ROBO1: variants seen among roughly 807,000 people sequenced by gnomAD.
The protein encoded by ROBO1 is roundabout homolog 1.
Under a neutral mutation model 195.9 loss-of-function variants are expected in ROBO1, and 149 were observed. The ratio of observed to expected loss-of-function variants is 0.76; its 90% CI spans 0.67 to 0.87. The LOEUF (loss-of-function observed/expected upper bound fraction) is 0.87. ROBO1 is among the 40% of genes least tolerant of loss of function. The pLI is 0.00. For synonymous variants in ROBO1, 816 were observed against 733.2 expected, an observed-to-expected ratio of 1.11 and a Z score of -1.82; for missense variants, 1,933 against 2,068.3, an observed-to-expected ratio of 0.93 and a Z score of 1.27.
chr3:78,754,083 AGT>A (rs1255809338), intron 4 of ROBO1, among the ~76,000 whole-genome samples: 4 of 152,206 alleles, frequency 2.6e-5, no homozygotes, highest in African/African-American at 7.2e-5. Context: ...ACAATGACTC[AGT>A]TATTTCCATA....
chr3:79,706,597 A>C (rs969867953), intron 1 of ROBO1, among the ~76,000 whole-genome samples: 1 of 152,044 alleles, frequency 6.6e-6, no homozygotes, highest in Non-Finnish European at 1.5e-5. Context: ...TCATGGCAGC[A>C]GGTGTTTTCC....
intron 4 of ROBO1, among the ~76,000 whole-genome samples, chr3:78,869,295 C>T (rs995003453): frequency 6.6e-6 from 1 of 152,102 alleles, no homozygotes; most frequent in Admixed American, 6.6e-5. Context: ...TCCATTTAAA[C>T]CAACATTTTT....
chr3:79,056,666 T>C (rs999254804), intron 3 of ROBO1, among the ~76,000 whole-genome samples: 1 of 152,062 alleles, frequency 6.6e-6, no homozygotes, highest in Admixed American at 6.6e-5. Context: ...ATCTCTGCAG[T>C]CCCAGAGCTT....
chr3:79,343,237 T>C (rs1474880650), intron 2 of ROBO1, among the ~76,000 whole-genome samples: 1 of 152,198 alleles, frequency 6.6e-6, no homozygotes. Flanking sequence ...GAAAAATAAA[T>C]GTATTCATTC....
chr3:78,984,193 G>GGAT (rs754734864), intron 3 of ROBO1, among the ~76,000 whole-genome samples: 6 of 152,134 alleles, frequency 3.9e-5, no homozygotes, highest in African/African-American at 1.2e-4. Context: ...GTGATGATGA[G>GGAT]GATGATGATG....
At chr3:78,947,526 G>A (rs778040106) in intron 3 of ROBO1, among the ~76,000 whole-genome samples, 3 of 152,180 alleles carry the variant, frequency 2.0e-5, no homozygotes, top group Non-Finnish European at 2.9e-5. Flanking sequence ...TCAAAGCAGT[G>A]TGTAGAGGGA....
chr3:79,365,763 G>A (rs1298943778), intron 2 of ROBO1, among the ~76,000 whole-genome samples: 9 of 152,146 alleles, frequency 5.9e-5, no homozygotes, highest in East Asian at 1.9e-4. Flanking sequence ...CGGGCGTGGT[G>A]GCGGGTGCCT....
intron 4 of ROBO1, among the ~76,000 whole-genome samples, chr3:78,820,728 T>C (rs1002241292): frequency 6.6e-6 from 1 of 152,220 alleles, no homozygotes; most frequent in Non-Finnish European, 1.5e-5. Flanking sequence ...CCTCACATAC[T>C]AGTCTGTAAC....
intron 2 of ROBO1, among the ~76,000 whole-genome samples, chr3:79,387,896 G>A (rs2036812874): frequency 6.6e-6 from 1 of 152,118 alleles, no homozygotes; most frequent in African/African-American, 2.4e-5. Flanking sequence ...GACCTTTCAT[G>A]TGGACGGCCT....
chr3:78,697,040 A>C (rs2081314204), intron 8 of ROBO1, among the ~76,000 whole-genome samples: 1 of 121,312 alleles, frequency 8.2e-6, no homozygotes, highest in Admixed American at 8.4e-5. Context: ...TCTCTGTCAC[A>C]CACAGACACA....
chr3:79,571,228 G>A (rs1943268940), intron 2 of ROBO1, among the ~76,000 whole-genome samples: 1 of 152,052 alleles, frequency 6.6e-6, no homozygotes, highest in Non-Finnish European at 1.5e-5. Flanking sequence ...AAGGCCAAAA[G>A]TAATTCCAAG....
chr3:79,278,865 T>C (rs2031279408), intron 2 of ROBO1, among the ~76,000 whole-genome samples: 1 of 152,174 alleles, frequency 6.6e-6, no homozygotes, highest in South Asian at 2.1e-4. Context: ...GAAAAGTTTC[T>C]GTACAGCATA....
At chr3:79,386,738 A>G (rs1408622511) in intron 2 of ROBO1, among the ~76,000 whole-genome samples, 9 of 152,172 alleles carry the variant, frequency 5.9e-5, no homozygotes, top group Admixed American at 5.9e-4. Context: ...TACTAAGATG[A>G]ATAGATGAGA....
At chr3:79,371,563 C>T (rs1234321450) in intron 2 of ROBO1, among the ~76,000 whole-genome samples, 2 of 151,722 alleles carry the variant, frequency 1.3e-5, no homozygotes, top group African/African-American at 4.8e-5. Context: ...TACGTAAAGA[C>T]ACAGAATACC....
intron 4 of ROBO1, among the ~76,000 whole-genome samples, chr3:78,824,624 T>G (rs2108698730): frequency 6.6e-6 from 1 of 152,280 alleles, no homozygotes; most frequent in Non-Finnish European, 1.5e-5. Flanking sequence ...GAAATAAACT[T>G]AGAATCAAGT....
intron 16 of ROBO1, chr3:78,660,623 G>A (rs1559709493): frequency 1.9e-5 from 3 of 160,836 alleles, no homozygotes; most frequent in Admixed American, 6.1e-5. Flanking sequence ...GATTTAGGAA[G>A]AAAATGCTAA....
chr3:78,824,296 C>T (rs2031357639), intron 4 of ROBO1, among the ~76,000 whole-genome samples: 1 of 151,984 alleles, frequency 6.6e-6, no homozygotes. Context: ...TGGCAAAAAC[C>T]ACGACTACTT....
chr3:78,889,734 G>A (rs2036780645), intron 4 of ROBO1, among the ~76,000 whole-genome samples: 1 of 150,808 alleles, frequency 6.6e-6, no homozygotes, highest in Non-Finnish European at 1.5e-5. Flanking sequence ...AAAAACGAGT[G>A]GGGAAAGTCA....
At chr3:79,723,904 C>A (rs892331900) in intron 1 of ROBO1, among the ~76,000 whole-genome samples, 1 of 152,142 alleles carries the variant, frequency 6.6e-6, no homozygotes, top group South Asian at 2.1e-4. Flanking sequence ...TACTCCAACA[C>A]TGACAGAAGT....
Sources: gnomAD v4.1 joint callset for allele counts (sites outside exome capture counted in the v4.1 genomes callset) on GRCh38, gnomAD v4.1.1 for gene constraint, MANE v1.5 for transcripts, NCBI Gene and HGNC (gene_info 2026-07-23, HGNC 2026-07-21) for gene names.